Variants in ADARB2 observed in about 807,000 individuals in gnomAD.
The protein encoded by ADARB2 is adenosine deaminase RNA specific B2 (inactive).
A neutral mutation model predicts 62.2 loss-of-function variants in ADARB2; 25 were observed. The observed-to-expected ratio is 0.40, with a 90% confidence interval of 0.29 to 0.56. ADARB2 has a LOEUF of 0.56. Ranked by LOEUF, ADARB2 falls within the 20% of genes least tolerant of loss-of-function variation. The probability of loss-of-function intolerance (pLI) is 0.43; values close to 1 mark genes in which losing one functional copy is unlikely to be tolerated. For synonymous variants in ADARB2, 572 were observed against 500.8 expected (o/e 1.14, Z -1.90); for missense variants, 1,071 against 1,077.4 (o/e 0.99, Z 0.08).
intron 2 of ADARB2, among the ~76,000 whole-genome samples, chr10:1,373,592 C>G (rs1198594602): frequency 6.6e-6 from 1 of 152,040 alleles, no homozygotes; most frequent in Admixed American, 6.6e-5. Flanking sequence ...TGTGTGTGTG[C>G]ATTTGTGTGT....
At chr10:1,197,050 A>G (rs537091871) in intron 8 of ADARB2, among the ~76,000 whole-genome samples, 1 of 152,280 alleles carries the variant, frequency 6.6e-6, no homozygotes, top group Non-Finnish European at 1.5e-5. Context: ...TGTGTTTATT[A>G]CTAAACATTT....
At chr10:1,347,365 C>T (rs770076292) in intron 3 of ADARB2, among the ~76,000 whole-genome samples, 6 of 152,244 alleles carry the variant, frequency 3.9e-5, no homozygotes, top group African/African-American at 7.2e-5. Context: ...TGCATCTGCC[C>T]GTTTCATTCT....
chr10:1,695,572 C>T (rs1264990291), intron 1 of ADARB2, among the ~76,000 whole-genome samples: 1 of 152,036 alleles, frequency 6.6e-6, no homozygotes, highest in African/African-American at 2.4e-5. Context: ...AGCAAAGATC[C>T]ATGTGTAGGT....
intron 5 of ADARB2, among the ~76,000 whole-genome samples, chr10:1,240,730 G>C (rs539768235): frequency 6.6e-6 from 1 of 152,204 alleles, no homozygotes; most frequent in South Asian, 2.1e-4. Context: ...CCAGCTGGTG[G>C]CACAGCACCA....
chr10:1,594,651 C>T (rs1024464319), intron 1 of ADARB2, among the ~76,000 whole-genome samples: 3 of 152,174 alleles, frequency 2.0e-5, no homozygotes, highest in Admixed American at 6.5e-5. Context: ...GCCCACTCCT[C>T]GTTTTCTTGG....
At chr10:1,640,220 C>T (rs939841662) in intron 1 of ADARB2, among the ~76,000 whole-genome samples, 3 of 152,164 alleles carry the variant, frequency 2.0e-5, no homozygotes, top group Admixed American at 6.5e-5. Context: ...TTAGAAGTCT[C>T]GTTTTCCTTG....
chr10:1,689,022 G>A (rs1834634794), intron 1 of ADARB2, among the ~76,000 whole-genome samples: 1 of 152,168 alleles, frequency 6.6e-6, no homozygotes, highest in African/African-American at 2.4e-5. Context: ...GTGATGCAGG[G>A]GTAAGAAGAA....
chr10:1,232,420 T>C (rs889856253), intron 6 of ADARB2, among the ~76,000 whole-genome samples: 1 of 150,384 alleles, frequency 6.6e-6, no homozygotes, highest in African/African-American at 2.5e-5. Context: ...ATGTGTGTGG[T>C]ATATGTGGTG....
chr10:1,198,450 T>G (rs930452584), intron 8 of ADARB2, among the ~76,000 whole-genome samples: 1 of 152,248 alleles, frequency 6.6e-6, no homozygotes, highest in Non-Finnish European at 1.5e-5. Flanking sequence ...AAAATTTGCA[T>G]GATTGGTTTT....
At chr10:1,283,937 C>T (rs1831390905) in intron 3 of ADARB2, among the ~76,000 whole-genome samples, 1 of 152,110 alleles carries the variant, frequency 6.6e-6, no homozygotes, top group Non-Finnish European at 1.5e-5. Flanking sequence ...TGAAGCAGTT[C>T]AGAGGTGGAA....
intron 1 of ADARB2, among the ~76,000 whole-genome samples, chr10:1,603,575 G>T (rs1037889581): frequency 6.6e-6 from 1 of 152,062 alleles, no homozygotes; most frequent in African/African-American, 2.4e-5. Context: ...AGCACGAGGT[G>T]CCCAGTGCCA....
chr10:1,233,878 C>G, intron 5 of ADARB2, 33 bp from the exon 6 acceptor site: 1 of 1,596,188 alleles, frequency 6.3e-7, no homozygotes, highest in Non-Finnish European at 8.6e-7. Context: ...GGTCATTTAT[C>G]ACAAACCAAA....
intron 4 of ADARB2, among the ~76,000 whole-genome samples, chr10:1,265,546 G>A (rs1338637416): frequency 6.7e-6 from 1 of 149,064 alleles, no homozygotes; most frequent in African/African-American, 2.5e-5. Context: ...CCCTGAGCGG[G>A]GGCCCAGGCT....
At chr10:1,713,002 GT>G (rs1834970511) in intron 1 of ADARB2, among the ~76,000 whole-genome samples, 1 of 152,258 alleles carries the variant, frequency 6.6e-6, no homozygotes, top group Admixed American at 6.5e-5. Flanking sequence ...TCAGTCATGT[GT>G]ACTTCCCTGT....
intron 4 of ADARB2, among the ~76,000 whole-genome samples, chr10:1,267,732 T>C (rs772074650): frequency 3.3e-5 from 5 of 152,218 alleles, no homozygotes; most frequent in Non-Finnish European, 5.9e-5. Flanking sequence ...AACTTGGAGC[T>C]GGGGGTGGAG....
intron 1 of ADARB2, among the ~76,000 whole-genome samples, chr10:1,594,228 T>A (rs1000404206): frequency 6.6e-6 from 1 of 151,970 alleles, no homozygotes; most frequent in South Asian, 2.1e-4. Context: ...GAGGCAGAGG[T>A]TGCAGGGACC....
chr10:1,659,515 G>A (rs1157054645), intron 1 of ADARB2, among the ~76,000 whole-genome samples: 1 of 152,262 alleles, frequency 6.6e-6, no homozygotes, highest in Non-Finnish European at 1.5e-5. Context: ...GGAGCCTGGA[G>A]CCCCACTGCC....
At chr10:1,692,997 G>T (rs1834692672) in intron 1 of ADARB2, among the ~76,000 whole-genome samples, 2 of 152,100 alleles carry the variant, frequency 1.3e-5, no homozygotes, top group African/African-American at 4.8e-5. Context: ...CACCCTCCAG[G>T]TGCTAGTCCT....
rs375029764 is a variant in ADARB2 at position 1,396,270 on chromosome 10, G to A, written c.101-17110C>T. On this transcript the variant is annotated intron_variant, in intron 1 of 9. Coordinates refer to ENST00000381312, the MANE Select transcript of ADARB2 (RefSeq NM_018702.4). The stretch of plus-strand genomic sequence containing the variant: ...GACTCTCTCCAGCCTTGAGAGTGCT[G>A]CCGGACTGAACTTCCCATCCCTGTC... Among the ~76,000 whole-genome samples, 4 of 152,220 alleles carry A rather than the reference G, an allele frequency of 2.6e-5. No homozygotes were observed. In the East Asian group the frequency reaches 5.8e-4, roughly 22 times the overall value.
Sources: allele counts gnomAD v4.1 joint callset (sites outside exome capture counted in the v4.1 genomes callset), GRCh38; gene constraint gnomAD v4.1.1; transcripts MANE v1.5; gene names NCBI Gene and HGNC (gene_info 2026-07-23, HGNC 2026-07-21).